Variants in DOCK8 observed in about 807,000 individuals in gnomAD.
DOCK8 encodes the protein dedicator of cytokinesis protein 8.
A neutral mutation model predicts 245.6 loss-of-function variants in DOCK8; 141 were observed. That is an observed-to-expected ratio of 0.57 (90% confidence interval 0.50 to 0.66). The LOEUF is 0.66. Among genes scored for constraint, DOCK8 ranks in the 30% least tolerant of loss-of-function variants. The probability of loss-of-function intolerance (pLI) is 0.00; values close to 1 mark genes in which losing one functional copy is unlikely to be tolerated. For missense variants in DOCK8, 2,965 were observed against 2,603.4 expected, an observed-to-expected ratio of 1.14 and a Z score of -3.02; for synonymous variants, 1,168 against 970.2, an observed-to-expected ratio of 1.20 and a Z score of -3.79.
chr9:316,909 G>T, intron 6 of DOCK8, 134 bp from the exon 7 acceptor site: 1 of 726,166 alleles, frequency 1.4e-6, no homozygotes, highest in East Asian at 2.7e-5. Flanking sequence ...CTTATAAAAG[G>T]CAGAGTGTTA....
intron 4 of DOCK8, among the ~76,000 whole-genome samples, chr9:293,522 C>T (rs1316905019): frequency 6.6e-6 from 1 of 152,186 alleles, no homozygotes; most frequent in Non-Finnish European, 1.5e-5. Flanking sequence ...CATAGATAAG[C>T]CACTATTATG....
chr9:460,000 C>G (rs2057754705), intron 46 of DOCK8: 1 of 152,210 alleles, frequency 6.6e-6, no homozygotes, highest in African/African-American at 2.4e-5. Context: ...GGGGCATGGG[C>G]AAGGTTCTAG....
At chr9:354,080 C>T (rs904151301) in intron 14 of DOCK8, among the ~76,000 whole-genome samples, 1 of 152,094 alleles carries the variant, frequency 6.6e-6, no homozygotes, top group African/African-American at 2.4e-5. Flanking sequence ...GCCTGTAATC[C>T]CAGCACTTTG....
In DOCK8 at chr9:251,278, A is replaced by T. The variant is rs10966240; in HGVS notation, c.54-20349A>T. Among the ~76,000 whole-genome samples the T allele has an allele frequency of 0.024, 3,716 of 152,282 alleles. 305 individuals carry two copies. In the East Asian group the frequency reaches 0.3, roughly 12 times the overall value. On this transcript the variant is annotated intron_variant, in intron 1 of 47. Transcript: ENST00000432829. Reference sequence around the variant, plus strand: ...AAAGAGACAAACTACACAAAAAGAGAATCATACTTGATGAAAAAAATCAAT... The same window carrying T: ...AAAGAGACAAACTACACAAAAAGAGTATCATACTTGATGAAAAAAATCAAT...
chr9:355,208 T>C lies in DOCK8; in HGVS notation c.1680-12810T>C, dbSNP rs796920412. ...GTTTCTTTTCTTTTTTTTTTTTTTT[T>C]TTTTTTTTTTTTTTGAGACAGAGTC... On this transcript the variant is annotated intron_variant, in intron 14 of 47. Transcript: ENST00000432829. 4.2e-4 allele frequency among the ~76,000 whole-genome samples: 49 copies of C among 115,798 alleles called. 2 individuals carry two copies. Among genetic ancestry groups the C allele is most frequent in the Admixed American group, 1.2e-3 (15 of 12,486 alleles). The allele number at this position is 115,798 out of a possible 152,430, so 76.0% of individuals were successfully genotyped here. A position where few individuals can be genotyped will look rare whatever the true frequency, so the allele number is the denominator to read the frequency against.
Position 426,750 on chromosome 9 carries a change from A to T in DOCK8, c.4242-135A>T, listed in dbSNP as rs184519546. 47 of 732,884 alleles carry T rather than the reference A, an allele frequency of 6.4e-5. No homozygotes were observed. In the Admixed American group the frequency reaches 6.5e-4, roughly 10 times the overall value. 45.4% of individuals were successfully genotyped at this position (732,884 alleles called of 1,614,324 possible). On this transcript the variant is annotated intron_variant, in intron 33 of 47. Transcript: ENST00000432829. ...GAAGGCACCTGCACTGTAGTTACTC[A>T]GGGCCAGTTGCTCTGTTTTCATTTC...
chr9:332,594 C>G (rs531965231), intron 10 of DOCK8, 116 bp downstream of exon 10: 5 of 490,852 alleles, frequency 1.0e-5, no homozygotes, highest in Non-Finnish European at 1.5e-5. Context: ...ATATAAGACA[C>G]TACTACATTT....
chr9:430,961 C>G (rs1029706095), intron 36 of DOCK8, among the ~76,000 whole-genome samples: 1 of 152,090 alleles, frequency 6.6e-6, no homozygotes, highest in Non-Finnish European at 1.5e-5. Flanking sequence ...CCTTCAACTC[C>G]TGGGCTCAAA....
chr9:338,710 T>TA (rs1340989532), intron 12 of DOCK8, among the ~76,000 whole-genome samples: 2 of 151,786 alleles, frequency 1.3e-5, no homozygotes, highest in East Asian at 3.8e-4. Context: ...GGGTGAGAGT[T>TA]ATCGGGGGGA....
chr9:435,361 C>G (rs1269523806), intron 39 of DOCK8, among the ~76,000 whole-genome samples: 2 of 150,628 alleles, frequency 1.3e-5, no homozygotes, highest in Non-Finnish European at 2.9e-5. Flanking sequence ...CTTTCACATG[C>G]ATGGCTTCAT....
intron 36 of DOCK8, among the ~76,000 whole-genome samples, chr9:431,945 T>A (rs2056728556): frequency 6.6e-6 from 1 of 152,202 alleles, no homozygotes. Flanking sequence ...AAAGGGAGCC[T>A]GACAGATTTA....
intron 1 of DOCK8, among the ~76,000 whole-genome samples, chr9:254,007 C>T (rs1411970111): frequency 6.6e-6 from 1 of 152,166 alleles, no homozygotes; most frequent in Non-Finnish European, 1.5e-5. Context: ...AACTGTTGTT[C>T]CCTTGTTGAA....
At chr9:315,402 A>G (rs2130732083) in intron 6 of DOCK8, among the ~76,000 whole-genome samples, 1 of 152,342 alleles carries the variant, frequency 6.6e-6, no homozygotes, top group Admixed American at 6.5e-5. Flanking sequence ...CTGAGGAAAT[A>G]TATCACCCAA....
chr9:268,003 G>C (rs1172039004), intron 1 of DOCK8: 1 of 152,208 alleles, frequency 6.6e-6, no homozygotes, highest in Non-Finnish European at 1.5e-5. Context: ...CAGACACACA[G>C]AGCCAATATA....
intron 22 of DOCK8, among the ~76,000 whole-genome samples, chr9:384,162 T>G (rs771614068): frequency 1.3e-5 from 2 of 152,198 alleles, no homozygotes; most frequent in African/African-American, 2.4e-5. Context: ...TGGTCAAGTA[T>G]TTTGTAGATT....
In DOCK8 at chr9:464,345, G is replaced by T. The variant is rs1485448784; in HGVS notation, c.*126G>T. ...ACACTCCCTGATCAGCCAGCACTCT[G>T]GAAGCTTTGGGATCCCAGGAACCAT... On this transcript the variant is annotated 3_prime_UTR_variant, in exon 48 of 48. Coordinates refer to ENST00000432829, the MANE Select transcript of DOCK8 (RefSeq NM_203447.4). 3.6e-6 allele frequency: 3 copies of T among 838,188 alleles called. No homozygotes were observed. Among genetic ancestry groups the T allele is most frequent in the African/African-American group, 1.7e-5 (1 of 60,012 alleles). The allele number at this position is 838,188 out of a possible 1,614,324, so 51.9% of individuals were successfully genotyped here. A position where few individuals can be genotyped will look rare whatever the true frequency, so the allele number is the denominator to read the frequency against.
At chr9:341,571 A>G (rs905227481) in intron 14 of DOCK8, among the ~76,000 whole-genome samples, 3 of 152,046 alleles carry the variant, frequency 2.0e-5, no homozygotes, top group Non-Finnish European at 2.9e-5. Flanking sequence ...CACCTCCTAG[A>G]CTTTTATCAT....
At chr9:295,342 C>G (rs2049214449) in intron 4 of DOCK8, among the ~76,000 whole-genome samples, 1 of 152,144 alleles carries the variant, frequency 6.6e-6, no homozygotes, top group Non-Finnish European at 1.5e-5. Flanking sequence ...GGTGCTGGGA[C>G]TGTAGTGCCC....
chr9:240,494 G>A (rs1424152438), intron 1 of DOCK8, among the ~76,000 whole-genome samples: 1 of 151,688 alleles, frequency 6.6e-6, no homozygotes, highest in Non-Finnish European at 1.5e-5. Flanking sequence ...CCCTCTGTAG[G>A]CAATTAAATG....
Sources: gnomAD v4.1 joint callset for allele counts (sites outside exome capture counted in the v4.1 genomes callset) on GRCh38, gnomAD v4.1.1 for gene constraint, MANE v1.5 for transcripts, NCBI Gene and HGNC (gene_info 2026-07-23, HGNC 2026-07-21) for gene names.